APOOL: variants seen among roughly 807,000 people sequenced by gnomAD.
The protein encoded by APOOL is apolipoprotein O like, also known as MICOS complex subunit MIC27.
Under a neutral mutation model 23.1 loss-of-function variants are expected in APOOL, and 12 were observed. The observed-to-expected ratio is 0.52, with a 90% confidence interval of 0.33 to 0.84. APOOL has a LOEUF of 0.84. Among genes scored for constraint, APOOL ranks in the 40% least tolerant of loss-of-function variants. The pLI is 0.02. For synonymous variants in APOOL, 77 were observed against 69.9 expected (o/e 1.10, Z -0.51); for missense variants, 212 against 199.6 (o/e 1.06, Z -0.37).
chrX:85,086,482 T>C (rs1272914213), intron 8 of APOOL, among the ~76,000 whole-genome samples: 1 of 111,747 alleles, frequency 8.9e-6, no homozygotes, highest in Non-Finnish European at 1.9e-5. Flanking sequence ...TTTCTCAAGT[T>C]GAAGAGTCTC....
intron 5 of APOOL, among the ~76,000 whole-genome samples, chrX:85,066,284 TTGGAACTAAGCTA>T (rs1414168330): frequency 9.0e-6 from 1 of 111,429 alleles, no homozygotes; most frequent in Non-Finnish European, 1.9e-5. Flanking sequence ...CAACAATCTG[TTGGAACTAAGCTA>T]TGGCTTAAAG....
intron 8 of APOOL, among the ~76,000 whole-genome samples, chrX:85,077,572 G>C (rs920491944): frequency 9.0e-6 from 1 of 111,474 alleles, no homozygotes; most frequent in African/African-American, 3.3e-5. Flanking sequence ...AAACATATGT[G>C]TACATGTGTG....
chrX:85,018,363 A>G (rs1268908361), intron 1 of APOOL, among the ~76,000 whole-genome samples: 1 of 110,898 alleles, frequency 9.0e-6, no homozygotes, highest in African/African-American at 3.3e-5. Context: ...GGGAGGTGCT[A>G]CAAAATTTTA....
At position 85,092,688 on chromosome X, in the gene APOOL, G is replaced by C; in HGVS notation, c.*5010G>C. 1.6e-6 allele frequency: 1 copy of C among 636,343 alleles called. No individual in the cohort carries two copies. The highest frequency in any genetic ancestry group is 2.3e-6 in the Non-Finnish European group (1 of 441,046). The allele number at this position is 636,343 out of a possible 1,213,427, so 52.4% of individuals were successfully genotyped here. A position where few individuals can be genotyped will look rare whatever the true frequency, so the allele number is the denominator to read the frequency against. ...GTGAATAATACTTCCAAATATAGTA[G>C]TTACCTTTTGAACTTTTCTATAGCT... On this transcript the variant is annotated 3_prime_UTR_variant, in exon 9 of 9. Transcript: ENST00000373173.
chrX:85,049,781 T>A (rs1922700056), intron 2 of APOOL, among the ~76,000 whole-genome samples: 1 of 67,959 alleles, frequency 1.5e-5, no homozygotes, highest in African/African-American at 4.6e-5. Context: ...AACAAGACCG[T>A]CTCAAAAAAC....
intron 1 of APOOL, 66 bp downstream of exon 1, chrX:85,003,993 A>T (rs2042788945): frequency 8.5e-7 from 1 of 1,172,595 alleles, no homozygotes; most frequent in Admixed American, 2.2e-5. Flanking sequence ...TGTAAAAGGG[A>T]TCCTACTAAC....
intron 5 of APOOL, among the ~76,000 whole-genome samples, chrX:85,062,669 A>C (rs536276568): frequency 7.2e-5 from 8 of 111,275 alleles, no homozygotes; most frequent in Middle Eastern, 4.7e-3. Context: ...GTCAAAGATC[A>C]GATGGTTGTA....
At chrX:85,047,113 C>T (rs1041893792) in intron 2 of APOOL, among the ~76,000 whole-genome samples, 1 of 111,579 alleles carries the variant, frequency 9.0e-6, no homozygotes, top group African/African-American at 3.3e-5. Context: ...ATAACTTCTA[C>T]CTGTTGGTAC....
At chrX:85,067,664 A>ACACG (rs1337554703) in intron 6 of APOOL, among the ~76,000 whole-genome samples, 2 of 109,135 alleles carry the variant, frequency 1.8e-5, no homozygotes, top group African/African-American at 3.4e-5. Flanking sequence ...ACACACACAC[A>ACACG]CACGCACAGG....
chrX:85,041,089 T>C (rs1304639677), intron 1 of APOOL, among the ~76,000 whole-genome samples: 38 of 112,053 alleles, frequency 3.4e-4, no homozygotes, highest in Non-Finnish European at 9.4e-5. Context: ...AAAAGTGGTG[T>C]GTCTCTTGAT....
intron 8 of APOOL, among the ~76,000 whole-genome samples, chrX:85,085,373 G>A (rs1924253098): frequency 9.0e-6 from 1 of 111,445 alleles, no homozygotes; most frequent in Non-Finnish European, 1.9e-5. Context: ...GATCACATGA[G>A]TTCTATAACA....
chrX:85,058,928 C>T (rs1923077828), intron 5 of APOOL, among the ~76,000 whole-genome samples: 2 of 109,441 alleles, frequency 1.8e-5, no homozygotes, highest in South Asian at 8.0e-4. Flanking sequence ...GCACAACGTG[C>T]AGGTTTGTTA....
At chrX:85,017,744 A>T (rs1921527963) in intron 1 of APOOL, among the ~76,000 whole-genome samples, 1 of 111,161 alleles carries the variant, frequency 9.0e-6, no homozygotes, top group African/African-American at 3.3e-5. Flanking sequence ...TTTATATTTC[A>T]TGCGGCTCCT....
chrX:85,062,894 G>T (rs182301081), intron 5 of APOOL, among the ~76,000 whole-genome samples: 69 of 111,638 alleles, frequency 6.2e-4, no homozygotes, highest in African/African-American at 2.2e-3. Flanking sequence ...TTCTAATTCT[G>T]TGAAGAATGT....
In APOOL at chrX:85,078,449, C is replaced by A. The variant is rs192018815; in HGVS notation, c.718+4058C>A. Among the ~76,000 whole-genome samples, 749 of 111,125 alleles carry A rather than the reference C, an allele frequency of 6.7e-3. 4 individuals carry two copies. Among genetic ancestry groups the A allele is most frequent in the African/African-American group, 0.02 (610 of 30,551 alleles). ...TGTCTGTTCTGTTCCATTGGTCTAT[C>A]TCTCTGTTTTGGTACCAGTACCATG... On this transcript the variant is annotated intron_variant, in intron 8 of 8. Coordinates refer to ENST00000373173, the MANE Select transcript of APOOL (RefSeq NM_198450.6).
chrX:85,009,894 G>T (rs937638973), intron 1 of APOOL, among the ~76,000 whole-genome samples: 8 of 111,660 alleles, frequency 7.2e-5, no homozygotes, highest in Non-Finnish European at 1.3e-4. Context: ...GTAAGAACAT[G>T]TGGTATTTGG....
At chrX:85,036,487 G>A (rs772351225) in intron 1 of APOOL, among the ~76,000 whole-genome samples, 10 of 110,764 alleles carry the variant, frequency 9.0e-5, no homozygotes, top group African/African-American at 3.3e-4. Flanking sequence ...CTCCTGGCTA[G>A]GACTTCCAGT....
intron 8 of APOOL, among the ~76,000 whole-genome samples, chrX:85,083,564 C>G (rs985097274): frequency 9.0e-6 from 1 of 111,134 alleles, no homozygotes; most frequent in Non-Finnish European, 1.9e-5. Context: ...CTGAAGCACA[C>G]AGAGAAAAAA....
chrX:85,070,809 C>T (rs200889180), intron 6 of APOOL, among the ~76,000 whole-genome samples: 5 of 104,319 alleles, frequency 4.8e-5, no homozygotes, highest in African/African-American at 1.7e-4. Context: ...TTCTATTCTG[C>T]GTATATGTCC....
Sources: gnomAD v4.1 joint callset for allele counts (sites outside exome capture counted in the v4.1 genomes callset) on GRCh38, gnomAD v4.1.1 for gene constraint, MANE v1.5 for transcripts, NCBI Gene and HGNC (gene_info 2026-07-23, HGNC 2026-07-21) for gene names.